Variants in UTP18 observed in about 807,000 individuals in gnomAD.
UTP18 encodes the protein U3 small nucleolar RNA-associated protein 18 homolog.
UTP18 carries 36 observed loss-of-function variants against 61.1 expected under a neutral mutation model. That is an observed-to-expected ratio of 0.59 (90% CI 0.45 to 0.78). The LOEUF (loss-of-function observed/expected upper bound fraction) is 0.78. Ranked by LOEUF, UTP18 falls within the 30% of genes least tolerant of loss-of-function variation. The pLI is 0.00. For synonymous variants in UTP18, 282 were observed against 251.1 expected, an observed-to-expected ratio of 1.12 and a Z score of -1.16; for missense variants, 753 against 693.9, an observed-to-expected ratio of 1.09 and a Z score of -0.96.
chr17:51,283,318 A>G (rs1905008713), intron 9 of UTP18, among the ~76,000 whole-genome samples: 1 of 150,490 alleles, frequency 6.6e-6, no homozygotes, highest in South Asian at 2.1e-4. Flanking sequence ...ACAGGCACAC[A>G]CCACCACATC....
At chr17:51,261,890 T>C (rs570944743) in intron 1 of UTP18, among the ~76,000 whole-genome samples, 5 of 152,218 alleles carry the variant, frequency 3.3e-5, no homozygotes, top group African/African-American at 1.2e-4. Context: ...TTTTGGGAAG[T>C]ACAGAACTAT....
chr17:51,267,177 G>A (rs928879960), intron 3 of UTP18, among the ~76,000 whole-genome samples: 3 of 152,138 alleles, frequency 2.0e-5, no homozygotes, highest in Non-Finnish European at 4.4e-5. Context: ...TGTCGCCCAG[G>A]CTGGTCTTGA....
rs371628195 is a variant in UTP18 at position 51,260,623 on chromosome 17, G to A, written c.39G>A (p.Arg13=). 26 of 1,612,620 alleles carry A rather than the reference G, an allele frequency of 1.6e-5. No homozygotes were observed. In the African/African-American group the frequency reaches 2.4e-4, roughly 15 times the overall value. ...PERRRRMKLD[R]RTGAKPKRKP... ...GGAGGAGACGAATGAAACTGGACCGGAGAACCGGAGCGAAGCCGAAGCGGA... is the reference window on the plus strand; with the variant it reads ...GGAGGAGACGAATGAAACTGGACCGAAGAACCGGAGCGAAGCCGAAGCGGA... The change falls in exon 1 of 14, where the codon CGG becomes CGA. Residue 13 remains arginine (R), a synonymous_variant. Coordinates refer to ENST00000225298, the MANE Select transcript of UTP18 (RefSeq NM_016001.3).
chr17:51,285,457 A>T (rs778710395), intron 10 of UTP18, 89 bp downstream of exon 10: 22 of 1,468,216 alleles, frequency 1.5e-5, no homozygotes, highest in Non-Finnish European at 2.0e-5. Flanking sequence ...GTGCATGAGT[A>T]GTTCTCTTTA....
rs569787787 is a variant in UTP18, at chr17:51,265,053, GT to G, written c.456-1127del. 3.0e-3 allele frequency among the ~76,000 whole-genome samples: 462 copies of G among 152,128 alleles called. 1 individual carries two copies. The highest frequency in any genetic ancestry group is 5.1e-3 in the Non-Finnish European group (348 of 67,994). On this transcript the variant is annotated intron_variant, in intron 2 of 13. Transcript: ENST00000225298. The stretch of plus-strand genomic sequence containing the variant: ...CTTTTTAAATAATCTTGGTATATTA[GT>G]TCCTGACATATTGAGAATTTCAAAC...
At chr17:51,266,145 T>C (rs952057147) in intron 2 of UTP18, 37 bp from the exon 3 acceptor site, 2 of 1,492,388 alleles carry the variant, frequency 1.3e-6, no homozygotes, top group Non-Finnish European at 1.8e-6. Context: ...ATTAACTCTT[T>C]AAAAGTTATT....
chr17:51,292,978 T>C (rs957521506), intron 11 of UTP18, among the ~76,000 whole-genome samples: 3 of 152,338 alleles, frequency 2.0e-5, no homozygotes, highest in African/African-American at 7.2e-5. Flanking sequence ...AAGTACAAAA[T>C]GGCAATTTTA....
chr17:51,290,985 T>G (rs1409996246), intron 11 of UTP18, among the ~76,000 whole-genome samples: 1 of 152,244 alleles, frequency 6.6e-6, no homozygotes, highest in African/African-American at 2.4e-5. Context: ...TCCTGTTACA[T>G]CGACAATTTT....
In UTP18 at chr17:51,279,202, C is replaced by T. The variant is rs936899755; in HGVS notation, c.1013-803C>T. The stretch of plus-strand genomic sequence containing the variant: ...GTGAAAACTCTCTTCTGCTCTGTCT[C>T]CCTGTCTTCCTGCTTTCCTTCCTTG... On this transcript the variant is annotated intron_variant, in intron 7 of 13. Transcript: ENST00000225298. 3.9e-5 allele frequency among the ~76,000 whole-genome samples: 6 copies of T among 152,202 alleles called. No homozygotes were observed. In the East Asian group the frequency reaches 7.7e-4, roughly 20 times the overall value.
At chr17:51,278,146 CTT>C (rs1270938928) in intron 7 of UTP18, among the ~76,000 whole-genome samples, 6 of 152,152 alleles carry the variant, frequency 3.9e-5, no homozygotes, top group Non-Finnish European at 5.9e-5. Context: ...GTTCCTGACA[CTT>C]TGATCCTTTC....
At chr17:51,264,617 G>C (rs1181861698) in intron 2 of UTP18, among the ~76,000 whole-genome samples, 1 of 149,798 alleles carries the variant, frequency 6.7e-6, no homozygotes, top group Middle Eastern at 3.5e-3. Flanking sequence ...TCCAGACTCT[G>C]TCAGTTTGGT....
chr17:51,266,631 A>T (rs1424027560), intron 3 of UTP18, among the ~76,000 whole-genome samples: 7 of 152,156 alleles, frequency 4.6e-5, no homozygotes, highest in Admixed American at 1.3e-4. Flanking sequence ...TGCTTTGTGT[A>T]TTTGGGGGAT....
chr17:51,266,154 T>C lies in UTP18; in HGVS notation c.456-28T>C, dbSNP rs746896291. ...ATTTATATTAACTCTTTAAAAGTTA[T>C]TTAAAATATGCTGTTCTGTTTTTGT... On this transcript the variant is annotated intron_variant, in intron 2 of 13. Transcript: ENST00000225298. 10 of 1,511,978 alleles carry C rather than the reference T, an allele frequency of 6.6e-6. No individual in the cohort carries two copies. The East Asian group carries it at 7.5e-5, about 11-fold the overall frequency. The allele number at this position is 1,511,978 out of a possible 1,614,324, so 93.7% of individuals were successfully genotyped here.
Position 51,263,265 on chromosome 17 carries a change from C to T in UTP18, c.343-9C>T. The T allele has an allele frequency of 1.9e-6, 3 of 1,612,388 alleles. No homozygotes were observed. The highest frequency in any genetic ancestry group is 2.5e-6 in the Non-Finnish European group (3 of 1,178,738). The stretch of plus-strand genomic sequence containing the variant: ...ATCTCAGTGCTTGAGGGTGTTTTGT[C>T]TGCTGTAGGTTCAAGAACATGAAGA... On this transcript the variant is annotated splice_polypyrimidine_tract_variant and intron_variant, in intron 1 of 13. Transcript: ENST00000225298.
chr17:51,266,155 T>C (rs2055558647), intron 2 of UTP18, 27 bp from the exon 3 acceptor site: 2 of 1,513,820 alleles, frequency 1.3e-6, no homozygotes, highest in Non-Finnish European at 1.8e-6. Context: ...TAAAAGTTAT[T>C]TAAAATATGC....
chr17:51,260,872 C>A lies in UTP18; in HGVS notation c.288C>A (p.Phe96Leu). 6.2e-7 allele frequency: 1 copy of A among 1,601,438 alleles called. No homozygotes were observed. Among genetic ancestry groups the A allele is most frequent in the Non-Finnish European group, 8.5e-7 (1 of 1,175,030 alleles). The change falls in exon 1 of 14, where the codon TTC (phenylalanine) becomes TTA (leucine). Residue 96 changes from phenylalanine (F) to leucine (L), a missense_variant. Physicochemically the swap from Phe to Leu is conservative, Grantham distance 22 (BLOSUM62 0). Transcript: ENST00000225298. Reference sequence around the variant, plus strand: ...AGCGGTGCTTGGAGGAGCTGGTCTTCGGCGACGTCGAGAACGACGAGGACG... The same window carrying A: ...AGCGGTGCTTGGAGGAGCTGGTCTTAGGCGACGTCGAGAACGACGAGGACG... ...AVERCLEELV[F>L]GDVENDEDAL... is the part of the protein sequence containing the mutation.
chr17:51,262,932 C>A (rs1019983223), intron 1 of UTP18, among the ~76,000 whole-genome samples: 1 of 152,192 alleles, frequency 6.6e-6, no homozygotes, highest in Non-Finnish European at 1.5e-5. Context: ...AGTTTGCCTC[C>A]GGTCCTGTAA....
At chr17:51,278,422 A>G (rs1904802940) in intron 7 of UTP18, among the ~76,000 whole-genome samples, 1 of 152,244 alleles carries the variant, frequency 6.6e-6, no homozygotes, top group Non-Finnish European at 1.5e-5. Context: ...TCACTATTCA[A>G]AAGTAATGGA....
At chr17:51,282,703 C>G (rs976934695) in intron 9 of UTP18, among the ~76,000 whole-genome samples, 11 of 152,186 alleles carry the variant, frequency 7.2e-5, no homozygotes, top group Admixed American at 1.3e-4. Flanking sequence ...AATGTATTTA[C>G]AAATTTGGTC....
Sources: allele counts gnomAD v4.1 joint callset (sites outside exome capture counted in the v4.1 genomes callset), GRCh38; gene constraint gnomAD v4.1.1; transcripts MANE v1.5; gene names NCBI Gene and HGNC (gene_info 2026-07-23, HGNC 2026-07-21).